The following PACS2 variants were observed in gnomAD, a reference collection of about 807,000 sequenced individuals.
PACS2 encodes the protein PACS1-like protein.
A neutral mutation model predicts 113.0 loss-of-function variants in PACS2; 36 were observed. That is an observed-to-expected ratio of 0.32 (90% CI 0.24 to 0.42). The LOEUF is 0.42. Ranked by LOEUF, PACS2 falls within the 10% of genes least tolerant of loss-of-function variation. PACS2 has a pLI of 1.00. For missense variants in PACS2, 1,015 were observed against 1,239.5 expected, an observed-to-expected ratio of 0.82 and a Z score of 2.72; for synonymous variants, 589 against 536.1, an observed-to-expected ratio of 1.10 and a Z score of -1.36.
chr14:105,376,737 G>C lies in PACS2; in HGVS notation c.802-31G>C. On this transcript the variant is annotated intron_variant, in intron 8 of 24. Transcript: ENST00000447393. This position sits in a 1 kb window ranked among gnomAD's most constrained non-coding sequence, Gnocchi z 4.7. The stretch of plus-strand genomic sequence containing the variant: ...CAGTGGGGCAATGTGGGCTGCTGCA[G>C]GGAACTCACGCGTGCCTGGCACCCG... The C allele has an allele frequency of 6.2e-7, 1 of 1,605,022 alleles. No individual in the cohort carries two copies. Among genetic ancestry groups the C allele is most frequent in the Non-Finnish European group, 8.5e-7 (1 of 1,174,588 alleles).
intron 8 of PACS2, chr14:105,370,962 C>T (rs2061126947): frequency 6.6e-6 from 1 of 152,256 alleles, no homozygotes; most frequent in Non-Finnish European, 1.5e-5. Context: ...GGTTGTCACC[C>T]GTCGGCCTGA....
rs2141246780 is a variant in PACS2, at chr14:105,382,586, AG to A, written c.1518+9del. On this transcript the variant is annotated splice_donor_region_variant and intron_variant, in intron 14 of 24. Coordinates refer to ENST00000447393, the MANE Select transcript of PACS2 (RefSeq NM_001100913.3). ...ACCTCGGACTGGCAGGGGCAGGTAG[AG>A]GGGCAGTCTCTTGGAGTGGAGGGTC... is the stretch of plus-strand genomic sequence containing the variant. 1.9e-6 allele frequency: 3 copies of A among 1,564,808 alleles called. No individual in the cohort carries two copies. The highest frequency in any genetic ancestry group is 2.7e-5 in the African/African-American group (2 of 73,602).
intron 1 of PACS2, among the ~76,000 whole-genome samples, chr14:105,344,972 G>A (rs2059866083): frequency 6.6e-6 from 1 of 152,104 alleles, no homozygotes; most frequent in Admixed American, 6.6e-5. Flanking sequence ...AGCTGGGCGT[G>A]GTAGTGCACA....
rs982334851 is a variant in PACS2, at chr14:105,357,969, T to G, written c.423+2792T>G. On this transcript the variant is annotated intron_variant, in intron 4 of 24. Transcript: ENST00000447393. This position sits in a 1 kb window ranked among gnomAD's most constrained non-coding sequence, Gnocchi z 5.1. Reference sequence around the variant, plus strand: ...GCTGAGAGTGTGGTGGGAGAGGATGTGGGGGGCACCTGCCCAGGACCTCCA... The same window carrying G: ...GCTGAGAGTGTGGTGGGAGAGGATGGGGGGGGCACCTGCCCAGGACCTCCA... Among the ~76,000 whole-genome samples the G allele has an allele frequency of 1.3e-5, 2 of 151,644 alleles. No homozygotes were observed. The highest frequency in any genetic ancestry group is 2.9e-5 in the Non-Finnish European group (2 of 67,866).
At chr14:105,384,197 G>A in intron 16 of PACS2, 156 bp from the exon 17 acceptor site, 1 of 594,660 alleles carries the variant, frequency 1.7e-6, no homozygotes, top group Non-Finnish European at 3.0e-6. Flanking sequence ...CCAGGGAGGG[G>A]CAGTGGTGGC....
intron 24 of PACS2, chr14:105,394,319 C>A: frequency 1.0e-6 from 1 of 985,302 alleles, no homozygotes; most frequent in Non-Finnish European, 1.2e-6. Flanking sequence ...ATGCTGCCCT[C>A]CCCACCCCCC....
rs151269232 is a variant in PACS2 at position 105,321,660 on chromosome 14, C to T, written c.119+6623C>T. ...TTATAGGCATGAACCACTAACGCCC[C>T]GTCACTTAATATATTTTTGAGGCTA... On this transcript the variant is annotated intron_variant, in intron 1 of 24. Coordinates refer to ENST00000447393, the MANE Select transcript of PACS2 (RefSeq NM_001100913.3). 3.7e-4 allele frequency among the ~76,000 whole-genome samples: 56 copies of T among 151,940 alleles called. 1 individual carries two copies. The East Asian group carries it at 6.2e-3, about 17-fold the overall frequency.
intron 1 of PACS2, among the ~76,000 whole-genome samples, chr14:105,327,347 G>C (rs879393931): frequency 6.6e-6 from 1 of 152,214 alleles, no homozygotes; most frequent in Non-Finnish European, 1.5e-5. Context: ...TGCCTGCTGC[G>C]CTGACTGCCT....
At chr14:105,309,420 G>A (rs2058283482), upstream of PACS2, among the ~76,000 whole-genome samples, 1 of 152,224 alleles carries the variant, frequency 6.6e-6, no homozygotes, top group Non-Finnish European at 1.5e-5. The surrounding 1 kb of genome is among the most constrained non-coding windows in gnomAD (Gnocchi z 4.0). Context: ...CACATCCCAT[G>A]GGGTGGATGT....
upstream of PACS2, among the ~76,000 whole-genome samples, chr14:105,313,573 C>CGGAGGA: frequency 6.6e-6 from 1 of 152,360 alleles, no homozygotes; most frequent in East Asian, 1.9e-4. Flanking sequence ...GCTCTCTCAA[C>CGGAGGA]GGAGGAAGCA....
intron 2 of PACS2, among the ~76,000 whole-genome samples, chr14:105,350,327 T>C (rs1479690700): frequency 6.6e-6 from 1 of 152,112 alleles, no homozygotes; most frequent in Non-Finnish European, 1.5e-5. Context: ...GACTTCTGAG[T>C]CTGGTGCTGT....
At position 105,392,755 on chromosome 14, in the gene PACS2, C is replaced by T; in HGVS notation, c.2392C>T (p.Leu798Phe). The change falls in exon 23 of 25, where the codon CTC becomes TTC. Residue 798 changes from leucine (L) to phenylalanine (F), a missense_variant. By Grantham distance (22) the Leu-to-Phe change is conservative (BLOSUM62 0). Coordinates refer to ENST00000447393, the MANE Select transcript of PACS2 (RefSeq NM_001100913.3). ...KNTLKCTFRS[L>F]QVSRLPSSGE... is the part of the protein sequence containing the mutation. Reference sequence around the variant, plus strand: ...CACGCTCAAGTGCACTTTCCGGTCCCTCCAGGTCAGCAGGCTGCCCAGCAG... The same window carrying T: ...CACGCTCAAGTGCACTTTCCGGTCCTTCCAGGTCAGCAGGCTGCCCAGCAG... The T allele has an allele frequency of 1.9e-6, 3 of 1,612,540 alleles. No homozygotes were observed. The highest frequency in any genetic ancestry group is 8.5e-7 in the Non-Finnish European group (1 of 1,180,018).
At position 105,315,047 on chromosome 14, in the gene PACS2, G is replaced by A. The variant is rs1365494893; in HGVS notation, c.119+10G>A. On this transcript the variant is annotated intron_variant, in intron 1 of 24. Coordinates refer to ENST00000447393, the MANE Select transcript of PACS2 (RefSeq NM_001100913.3). This position sits in a 1 kb window ranked among gnomAD's most constrained non-coding sequence, Gnocchi z 4.4. ...CCAGCTGCGTGCCCAGGTACGCGCC[G>A]CCCGCCGCGCTTTGTTCCCGCCGGG... 2 of 1,167,760 alleles carry A rather than the reference G, an allele frequency of 1.7e-6. No homozygotes were observed. The highest frequency in any genetic ancestry group is 2.1e-6 in the Non-Finnish European group (2 of 937,652). The allele number at this position is 1,167,760 out of a possible 1,614,324, so 72.3% of individuals were successfully genotyped here. A position where few individuals can be genotyped will look rare whatever the true frequency, so the allele number is the denominator to read the frequency against.
intron 9 of PACS2, among the ~76,000 whole-genome samples, chr14:105,377,912 G>A (rs587709183): frequency 6.6e-6 from 1 of 152,356 alleles, no homozygotes; most frequent in Admixed American, 6.5e-5. Flanking sequence ...CCGAGGTCAT[G>A]CAGTGCAGGC....
At chr14:105,386,599 C>T (rs909630259) in intron 19 of PACS2, among the ~76,000 whole-genome samples, 1 of 152,108 alleles carries the variant, frequency 6.6e-6, no homozygotes, top group Non-Finnish European at 1.5e-5. Context: ...CTCCCATGGG[C>T]TCGTTCTCTA....
At chr14:105,370,173 G>T (rs1176402303) in intron 8 of PACS2, 28 of 293,880 alleles carry the variant, frequency 9.5e-5, no homozygotes, top group South Asian at 1.4e-4. Context: ...TAGTTTGTGT[G>T]TTTTTTTTTT....
chr14:105,383,312 C>T lies in PACS2; in HGVS notation c.1626-47C>T, dbSNP rs1470188580. 3.1e-6 allele frequency: 5 copies of T among 1,596,090 alleles called. No homozygotes were observed. In the African/African-American group the frequency reaches 6.7e-5, roughly 21 times the overall value. On this transcript the variant is annotated intron_variant, in intron 15 of 24. Coordinates refer to ENST00000447393, the MANE Select transcript of PACS2 (RefSeq NM_001100913.3). The stretch of plus-strand genomic sequence containing the variant: ...GCATCCTTGGATGGAGGACGGCTCC[C>T]CTGAGGCGTCTGTCCCCTCTCCGTC...
At position 105,365,044 on chromosome 14, in the gene PACS2, G is replaced by C. The variant is rs1472420014; in HGVS notation, c.424-2169G>C. 6.6e-6 allele frequency among the ~76,000 whole-genome samples: 1 copy of C among 152,228 alleles called. No homozygotes were observed. The highest frequency in any genetic ancestry group is 1.5e-5 in the Non-Finnish European group (1 of 68,032). ...ATCTATTTGAAAATGGAAGAGGGAG[G>C]AGCCTGTCAGGGTCAGGGGTGGAGG... On this transcript the variant is annotated intron_variant, in intron 4 of 24. Coordinates refer to ENST00000447393, the MANE Select transcript of PACS2 (RefSeq NM_001100913.3). This position sits in a 1 kb window ranked among gnomAD's most constrained non-coding sequence, Gnocchi z 5.1.
At chr14:105,389,804 T>G (rs1341098017) in intron 19 of PACS2, 157 bp from the exon 20 acceptor site, 3 of 697,016 alleles carry the variant, frequency 4.3e-6, no homozygotes, top group Non-Finnish European at 2.6e-6. Flanking sequence ...TGGAGATGGG[T>G]GGGGCCGGGA....
Sources: allele counts gnomAD v4.1 joint callset (sites outside exome capture counted in the v4.1 genomes callset), GRCh38; gene constraint gnomAD v4.1.1; non-coding constraint Gnocchi (gnomAD v3.1); transcripts MANE v1.5; gene names NCBI Gene and HGNC (gene_info 2026-07-23, HGNC 2026-07-21).